Variants in ZNF226 observed in about 807,000 individuals in gnomAD.
ZNF226 encodes the protein Kruppel-associated box protein.
Under a neutral mutation model 11.4 loss-of-function variants are expected in ZNF226, and 6 were observed. The observed-to-expected ratio is 0.53, with a 90% CI of 0.29 to 1.04. The LOEUF (loss-of-function observed/expected upper bound fraction) is 1.04. Among genes scored for constraint, ZNF226 ranks in the 50% least tolerant of loss-of-function variants. The probability of loss-of-function intolerance (pLI) is 0.08; values close to 1 mark genes in which losing one functional copy is unlikely to be tolerated. For missense variants in ZNF226, 1,058 were observed against 956.5 expected (o/e 1.11, Z -1.40); for synonymous variants, 350 against 322.8 (o/e 1.08, Z -0.90).
chr19:44,185,695 C>A, the ZNF226 span, among the ~76,000 whole-genome samples: 2 of 152,048 alleles, frequency 1.3e-5, no homozygotes, highest in South Asian at 4.2e-4. Flanking sequence ...CAATTTTCCT[C>A]CATTCTGCAG....
intron 3 of ZNF226, among the ~76,000 whole-genome samples, chr19:44,170,374 TG>T (rs1969943415): frequency 6.7e-6 from 1 of 150,350 alleles, no homozygotes; most frequent in Admixed American, 6.6e-5. Flanking sequence ...AGGCAGGGGG[TG>T]GGATCACTTG....
chr19:44,190,388 C>T, the ZNF226 span, among the ~76,000 whole-genome samples: 2 of 152,010 alleles, frequency 1.3e-5, no homozygotes, highest in Non-Finnish European at 2.9e-5. Context: ...GGCTGGAGTA[C>T]AGTGGCGCGA....
At position 44,176,585 on chromosome 19, in the gene ZNF226, C is replaced by A; in HGVS notation, c.1323C>A (p.His441Gln). The change falls in exon 6 of 6, where the codon CAC becomes CAA. Residue 441 changes from histidine to glutamine, a missense_variant. His to Gln is a conservative substitution (Grantham distance 24). Coordinates refer to ENST00000337433, the MANE Select transcript of ZNF226 (RefSeq NM_001032373.2). ...ATCTTTACATTCATCAGAGAGTCCA[C>A]ACAGGAGAAAAACCCTATAAATGTG... ...SSNLYIHQRV[H>Q]TGEKPYKCEE... is the part of the protein sequence containing the mutation. 1.2e-6 allele frequency: 2 copies of A among 1,614,066 alleles called. No homozygotes were observed. The highest frequency in any genetic ancestry group is 1.7e-6 in the Non-Finnish European group (2 of 1,180,002).
At chr19:44,183,294 T>C (rs920384009), downstream of ZNF226, among the ~76,000 whole-genome samples, 2 of 152,172 alleles carry the variant, frequency 1.3e-5, no homozygotes, top group Non-Finnish European at 2.9e-5. Flanking sequence ...TAGGCCCGTT[T>C]GTGGTGGTCT....
chr19:44,170,622 T>C (rs1045819471), intron 3 of ZNF226, among the ~76,000 whole-genome samples: 2 of 152,070 alleles, frequency 1.3e-5, no homozygotes, highest in Non-Finnish European at 2.9e-5. Flanking sequence ...TAGTCCCAGC[T>C]ATTCGGGAGG....
At chr19:44,172,715 G>A (rs182973779) in intron 4 of ZNF226, 145 bp from the exon 5 acceptor site, 6 of 645,752 alleles carry the variant, frequency 9.3e-6, no homozygotes, top group African/African-American at 9.2e-5. Context: ...GAAATAAATG[G>A]TGTTTCTTTA....
Position 44,176,687 on chromosome 19 carries a change from C to T in ZNF226, c.1425C>T (p.Tyr475=). The change falls in exon 6 of 6, where the codon TAC becomes TAT. Residue 475 remains tyrosine (Y), a synonymous_variant. Coordinates refer to ENST00000337433, the MANE Select transcript of ZNF226 (RefSeq NM_001032373.2). ...HQGVHTGEKS[Y]ICTVCGKGFT... ...GAGTTCACACTGGAGAGAAGTCATA[C>T]ATATGTACTGTATGTGGGAAAGGCT... 1.2e-6 allele frequency: 2 copies of T among 1,613,852 alleles called. No homozygotes were observed. Among genetic ancestry groups the T allele is most frequent in the Middle Eastern group, 1.6e-4 (1 of 6,062 alleles).
At chr19:44,183,163 G>A (rs1970933079), downstream of ZNF226, among the ~76,000 whole-genome samples, 1 of 152,196 alleles carries the variant, frequency 6.6e-6, no homozygotes, top group South Asian at 2.1e-4. Context: ...AATATGGAGG[G>A]ATTGATTACT....
chr19:44,190,384 A>G, the ZNF226 span, among the ~76,000 whole-genome samples: 1 of 152,018 alleles, frequency 6.6e-6, no homozygotes, highest in Non-Finnish European at 1.5e-5. Flanking sequence ...CCCAGGCTGG[A>G]GTACAGTGGC....
intron 3 of ZNF226, among the ~76,000 whole-genome samples, chr19:44,171,866 C>T (rs1970135306): frequency 6.6e-6 from 1 of 152,152 alleles, no homozygotes; most frequent in South Asian, 2.1e-4. Flanking sequence ...CAGGAAATTC[C>T]CTTATAAGAG....
chr19:44,165,671 C>T (rs1350521067), intron 1 of ZNF226, 86 bp from the exon 2 acceptor site: 2 of 152,194 alleles, frequency 1.3e-5, no homozygotes, highest in Non-Finnish European at 2.9e-5. Context: ...AGGGTTGCTT[C>T]TAACTGGTCC....
downstream of ZNF226, among the ~76,000 whole-genome samples, chr19:44,179,047 G>T (rs947728639): frequency 3.3e-5 from 5 of 152,172 alleles, no homozygotes; most frequent in Non-Finnish European, 5.9e-5. Flanking sequence ...GGGCGTGGTG[G>T]TGCGTGCCTG....
At chr19:44,193,719 G>C in the ZNF226 span, among the ~76,000 whole-genome samples, 1 of 152,288 alleles carries the variant, frequency 6.6e-6, no homozygotes, top group East Asian at 1.9e-4. Flanking sequence ...AAAAAAGAGA[G>C]CTAGCTTAGA....
Position 44,177,144 on chromosome 19 carries a change from T to C in ZNF226, c.1882T>C (p.Ser628Pro). ...GTGTGGGAAGGTCTTCAGGCAGGCC[T>C]CAAATCTTTTGGCCCATCAGAGAGT... ...EECGKVFRQA[S>P]NLLAHQRVHS... The change falls in exon 6 of 6, where the codon TCA (serine) becomes CCA (proline). Residue 628 changes from serine (S) to proline (P), a missense_variant. By Grantham distance (74) the Ser-to-Pro change is moderately conservative (BLOSUM62 -1). Transcript: ENST00000337433. 6.2e-7 allele frequency: 1 copy of C among 1,613,974 alleles called. No individual in the cohort carries two copies. Among genetic ancestry groups the C allele is most frequent in the Non-Finnish European group, 8.5e-7 (1 of 1,179,982 alleles).
At chr19:44,194,445 T>C in the ZNF226 span, among the ~76,000 whole-genome samples, 1 of 152,086 alleles carries the variant, frequency 6.6e-6, no homozygotes, top group Non-Finnish European at 1.5e-5. Context: ...CTGGCTAATT[T>C]CTAAAGAAAT....
chr19:44,170,968 T>C (rs1970028365), intron 3 of ZNF226, among the ~76,000 whole-genome samples: 1 of 152,058 alleles, frequency 6.6e-6, no homozygotes, highest in Admixed American at 6.5e-5. Context: ...AATCTCTTCA[T>C]TGTATGTACT....
At chr19:44,190,344 A>G in the ZNF226 span, among the ~76,000 whole-genome samples, 1 of 151,866 alleles carries the variant, frequency 6.6e-6, no homozygotes, top group Non-Finnish European at 1.5e-5. Context: ...ATTTTATTTT[A>G]TTTTTTTGAG....
chr19:44,182,076 G>A (rs1192696887), downstream of ZNF226, among the ~76,000 whole-genome samples: 1 of 152,184 alleles, frequency 6.6e-6, no homozygotes, highest in Non-Finnish European at 1.5e-5. Context: ...GTAGTGAACA[G>A]TGATTCCAGA....
chr19:44,172,463 C>A (rs888702546), intron 4 of ZNF226: 11 of 416,168 alleles, frequency 2.6e-5, no homozygotes, highest in African/African-American at 1.7e-4. Context: ...TACACCTGTC[C>A]CAGTATTGAA....
Sources: gnomAD v4.1 joint callset for allele counts (sites outside exome capture counted in the v4.1 genomes callset) on GRCh38, gnomAD v4.1.1 for gene constraint, MANE v1.5 for transcripts, NCBI Gene and HGNC (gene_info 2026-07-23, HGNC 2026-07-21) for gene names.